CCDC68: variants seen among roughly 807,000 people sequenced by gnomAD.
CCDC68 encodes the protein coiled-coil domain-containing protein 68.
A neutral mutation model predicts 47.1 loss-of-function variants in CCDC68; 45 were observed. The ratio of observed to expected loss-of-function variants is 0.96; its 90% CI spans 0.75 to 1.23. The LOEUF is 1.23. Ranked by LOEUF, CCDC68 falls within the 50% of genes most tolerant of loss-of-function variation. The pLI is 0.00. For synonymous variants in CCDC68, 131 were observed against 129.5 expected, an observed-to-expected ratio of 1.01 and a Z score of -0.08; for missense variants, 353 against 373.6, an observed-to-expected ratio of 0.94 and a Z score of 0.45.
intron 10 of CCDC68, among the ~76,000 whole-genome samples, chr18:54,910,247 G>A (rs117321534): frequency 6.6e-6 from 1 of 152,268 alleles, no homozygotes; most frequent in East Asian, 1.9e-4. Context: ...ACAGCTGGCT[G>A]CCCCATCGTC....
In CCDC68 at chr18:54,937,943, T is replaced by C. The variant is rs767828709; in HGVS notation, c.345+14A>G. ...GGCTCAAAACACAAAATTTGAAACT[T>C]CTAAAAGTCATACCTTGATTTTCAA... On this transcript the variant is annotated intron_variant, in intron 5 of 11. Coordinates refer to ENST00000591504, the MANE Select transcript of CCDC68 (RefSeq NM_025214.3). 13 of 1,606,142 alleles carry C rather than the reference T, an allele frequency of 8.1e-6. No individual in the cohort carries two copies. In the African/African-American group the frequency reaches 1.7e-4, roughly 22 times the overall value.
At chr18:54,944,846 CTT>C (rs759770414) in intron 2 of CCDC68, among the ~76,000 whole-genome samples, 2 of 152,118 alleles carry the variant, frequency 1.3e-5, no homozygotes, top group African/African-American at 4.8e-5. Context: ...AATGAGGAAA[CTT>C]TAACCTGAGA....
intron 7 of CCDC68, among the ~76,000 whole-genome samples, chr18:54,930,982 T>G (rs899547983): frequency 6.6e-6 from 1 of 151,788 alleles, no homozygotes; most frequent in African/African-American, 2.4e-5. Context: ...CCTCCCAAAG[T>G]GCTGGGATTA....
rs750057419 is a variant in CCDC68 at position 54,936,960 on chromosome 18, T to C, written c.346-2A>G. 2.5e-6 allele frequency: 4 copies of C among 1,613,612 alleles called. No homozygotes were observed. In the South Asian group the frequency reaches 4.4e-5, roughly 18 times the overall value. ...TCCTGCTTCTCTGGAGGCTTGCAGC[T>C]AGAAAAAAGGTCACTATGCATGTTC... On this transcript the variant is annotated splice_acceptor_variant, in intron 5 of 11. Transcript: ENST00000591504. LOFTEE classifies it high-confidence loss of function.
At chr18:54,912,583 C>A (rs1201113928) in intron 10 of CCDC68, among the ~76,000 whole-genome samples, 1 of 152,002 alleles carries the variant, frequency 6.6e-6, no homozygotes, top group Non-Finnish European at 1.5e-5. Flanking sequence ...ATGTTATAAC[C>A]AGGTGTTTAA....
intron 10 of CCDC68, among the ~76,000 whole-genome samples, chr18:54,909,032 T>C (rs1568131301): frequency 6.6e-6 from 1 of 152,296 alleles, no homozygotes; most frequent in East Asian, 1.9e-4. Context: ...TTTATAACTA[T>C]AAATTGAATT....
intron 1 of CCDC68, among the ~76,000 whole-genome samples, chr18:54,954,132 C>T (rs994352938): frequency 3.3e-5 from 5 of 151,122 alleles, no homozygotes; most frequent in Non-Finnish European, 5.9e-5. Flanking sequence ...CTCAGCTCAC[C>T]GCAACCTCCA....
At chr18:54,955,446 T>C (rs909524738) in intron 1 of CCDC68, among the ~76,000 whole-genome samples, 2 of 152,218 alleles carry the variant, frequency 1.3e-5, no homozygotes, top group African/African-American at 4.8e-5. Context: ...GTCTTCTTTT[T>C]AGGCTCACAG....
At chr18:54,916,634 G>A (rs548463590) in intron 10 of CCDC68, among the ~76,000 whole-genome samples, 1 of 152,250 alleles carries the variant, frequency 6.6e-6, no homozygotes, top group Admixed American at 6.5e-5. Flanking sequence ...AATGGAATGA[G>A]GTGGAGGTGC....
At chr18:54,943,101 A>C (rs1381095938) in intron 2 of CCDC68, among the ~76,000 whole-genome samples, 1 of 152,190 alleles carries the variant, frequency 6.6e-6, no homozygotes, top group Non-Finnish European at 1.5e-5. Flanking sequence ...TCAGACTGTA[A>C]AAAGGAATGA....
chr18:54,954,014 T>A (rs1185500847), intron 1 of CCDC68, among the ~76,000 whole-genome samples: 1 of 53,472 alleles, frequency 1.9e-5, no homozygotes, highest in Admixed American at 2.8e-4. Flanking sequence ...TCCCCTCCCC[T>A]CGCCTTCCCT....
intron 3 of CCDC68, 117 bp downstream of exon 3, chr18:54,942,558 A>G (rs946636380): frequency 7.9e-6 from 5 of 630,592 alleles, no homozygotes; most frequent in Non-Finnish European, 1.4e-5. Context: ...TCCTTTGCCA[A>G]ACTAGGGTTG....
At chr18:54,957,667 A>G (rs1464679433) in intron 1 of CCDC68, among the ~76,000 whole-genome samples, 2 of 144,554 alleles carry the variant, frequency 1.4e-5, no homozygotes, top group Non-Finnish European at 3.1e-5. Context: ...TCATTTTCCA[A>G]ACCTATATAA....
At chr18:54,945,913 A>T (rs888686225) in intron 1 of CCDC68, among the ~76,000 whole-genome samples, 50 of 152,300 alleles carry the variant, frequency 3.3e-4, no homozygotes, top group Non-Finnish European at 1.5e-5. Context: ...AGCCAGAGAG[A>T]GGATGGTCAG....
chr18:54,921,932 G>A (rs2044067735), intron 8 of CCDC68, among the ~76,000 whole-genome samples: 3 of 152,212 alleles, frequency 2.0e-5, no homozygotes, highest in Admixed American at 2.0e-4. Context: ...TTCTCTTAGA[G>A]AGGGGCAGTA....
intron 8 of CCDC68, among the ~76,000 whole-genome samples, chr18:54,925,701 A>G (rs2044132823): frequency 6.6e-6 from 1 of 152,126 alleles, no homozygotes; most frequent in East Asian, 1.9e-4. Flanking sequence ...GAATCTTACT[A>G]CCATCTGTGG....
In CCDC68 at chr18:54,909,205, G is replaced by A. The variant is rs140150489; in HGVS notation, c.874-1343C>T. 6.6e-5 allele frequency among the ~76,000 whole-genome samples: 10 copies of A among 152,148 alleles called. No individual in the cohort carries two copies. In the East Asian group the frequency reaches 1.9e-3, roughly 29 times the overall value. ...AAAATGGTTAGGGATCATGAGCAAT[G>A]CTGAGTTGCCAGTGGGTTGCACTTT... On this transcript the variant is annotated intron_variant, in intron 10 of 11. Coordinates refer to ENST00000591504, the MANE Select transcript of CCDC68 (RefSeq NM_025214.3).
chr18:54,905,370 GAAA>G (rs1913931320), intron 11 of CCDC68, among the ~76,000 whole-genome samples: 3 of 5,876 alleles, frequency 5.1e-4, no homozygotes, highest in Admixed American at 4.1e-3. Context: ...GAAGGGGAGA[GAAA>G]GAAAGGAGAG....
chr18:54,904,320 C>A lies in CCDC68; in HGVS notation c.*38G>T. On this transcript the variant is annotated 3_prime_UTR_variant, in exon 12 of 12. Coordinates refer to ENST00000591504, the MANE Select transcript of CCDC68 (RefSeq NM_025214.3). ...TGTGTTTCAGAGAATAAATAAGACT[C>A]ACGCAGTCTTTCTAAATCAGATCTT... The A allele has an allele frequency of 1.4e-6, 2 of 1,476,660 alleles. No individual in the cohort carries two copies. The highest frequency in any genetic ancestry group is 1.1e-5 in the South Asian group (1 of 87,714). 91.5% of individuals were successfully genotyped at this position (1,476,660 alleles called of 1,614,324 possible).
Sources: gnomAD v4.1 joint callset for allele counts (sites outside exome capture counted in the v4.1 genomes callset) on GRCh38, gnomAD v4.1.1 for gene constraint, MANE v1.5 for transcripts, NCBI Gene and HGNC (gene_info 2026-07-23, HGNC 2026-07-21) for gene names.